The following KIAA1328 variants were observed in gnomAD, a reference collection of about 807,000 sequenced individuals.
KIAA1328 encodes the protein protein hinderin.
A neutral mutation model predicts 68.1 loss-of-function variants in KIAA1328; 52 were observed. The ratio of observed to expected loss-of-function variants is 0.76; its 90% CI spans 0.61 to 0.96. The LOEUF (loss-of-function observed/expected upper bound fraction) is 0.96, where lower values mean the gene tolerates loss of function less well. Ranked by LOEUF, KIAA1328 falls within the 40% of genes least tolerant of loss-of-function variation. KIAA1328 has a pLI of 0.00. For missense variants in KIAA1328, 641 were observed against 677.6 expected (o/e 0.95, Z 0.60); for synonymous variants, 232 against 239.4 (o/e 0.97, Z 0.28).
intron 6 of KIAA1328, among the ~76,000 whole-genome samples, chr18:36,971,080 A>G (rs1359992180): frequency 6.6e-6 from 1 of 152,214 alleles, no homozygotes; most frequent in Non-Finnish European, 1.5e-5. Flanking sequence ...CCAAAACAGC[A>G]TGGTACTGGT....
At chr18:37,162,140 C>T (rs1360781554) in intron 8 of KIAA1328, among the ~76,000 whole-genome samples, 1 of 152,086 alleles carries the variant, frequency 6.6e-6, no homozygotes, top group Non-Finnish European at 1.5e-5. Flanking sequence ...TGTTGCTATA[C>T]CAATCAATTT....
intron 7 of KIAA1328, among the ~76,000 whole-genome samples, chr18:37,121,332 T>G (rs2058262974): frequency 6.6e-6 from 1 of 152,144 alleles, no homozygotes; most frequent in Non-Finnish European, 1.5e-5. Context: ...ATCAGGTTAG[T>G]TGAAGATTCG....
chr18:37,018,593 C>G (rs2054233268), intron 6 of KIAA1328, among the ~76,000 whole-genome samples: 2 of 152,118 alleles, frequency 1.3e-5, no homozygotes, highest in Non-Finnish European at 2.9e-5. Flanking sequence ...CTCAGGAATG[C>G]TAATAATTGG....
intron 6 of KIAA1328, among the ~76,000 whole-genome samples, chr18:37,018,169 C>T (rs2054218619): frequency 6.6e-6 from 1 of 152,074 alleles, no homozygotes; most frequent in South Asian, 2.1e-4. Context: ...AATGAATTTC[C>T]TTAGTGCTTG....
At chr18:37,158,548 T>C (rs1363212513) in intron 7 of KIAA1328, among the ~76,000 whole-genome samples, 2 of 152,040 alleles carry the variant, frequency 1.3e-5, no homozygotes, top group Admixed American at 6.6e-5. Context: ...CAAGATGGTA[T>C]CAAGAGTGCA....
intron 5 of KIAA1328, among the ~76,000 whole-genome samples, chr18:36,947,147 G>T (rs893773054): frequency 7.2e-5 from 11 of 152,182 alleles, no homozygotes; most frequent in African/African-American, 2.4e-4. Context: ...CTGGGCGACA[G>T]AGCAAGACTC....
chr18:36,872,329 C>T (rs2047974963), intron 4 of KIAA1328, among the ~76,000 whole-genome samples: 1 of 151,990 alleles, frequency 6.6e-6, no homozygotes, highest in South Asian at 2.1e-4. Context: ...GAAAATATCA[C>T]CTCAACCAGG....
chr18:37,193,961 A>G (rs2059955780), intron 9 of KIAA1328, among the ~76,000 whole-genome samples: 1 of 152,160 alleles, frequency 6.6e-6, no homozygotes, highest in African/African-American at 2.4e-5. Flanking sequence ...CATTCTTTTA[A>G]GTTGCCGCAC....
chr18:36,918,308 A>G (rs946869955), intron 5 of KIAA1328, among the ~76,000 whole-genome samples: 1 of 150,052 alleles, frequency 6.7e-6, no homozygotes, highest in African/African-American at 2.5e-5. Flanking sequence ...TATTTTCTTG[A>G]TATCTGCTCT....
At chr18:36,910,711 G>T (rs1217793417) in intron 5 of KIAA1328, among the ~76,000 whole-genome samples, 1 of 152,068 alleles carries the variant, frequency 6.6e-6, no homozygotes, top group African/African-American at 2.4e-5. Flanking sequence ...AATCACCTTG[G>T]GCAGTATGGC....
intron 4 of KIAA1328, among the ~76,000 whole-genome samples, chr18:36,863,582 A>G (rs1009143547): frequency 1.3e-5 from 2 of 152,204 alleles, no homozygotes; most frequent in South Asian, 2.1e-4. Flanking sequence ...TAGGTGTTAC[A>G]TTAAACTATA....
At chr18:36,905,706 TC>T (rs543468112) in intron 5 of KIAA1328, among the ~76,000 whole-genome samples, 99 of 152,282 alleles carry the variant, frequency 6.5e-4, no homozygotes, top group African/African-American at 2.4e-3. Context: ...ATACAGCCCA[TC>T]CACTGTCTTC....
At chr18:37,141,744 A>T (rs574484882) in intron 7 of KIAA1328, among the ~76,000 whole-genome samples, 45 of 152,352 alleles carry the variant, frequency 3.0e-4, no homozygotes, top group African/African-American at 9.9e-4. Context: ...TGTCCTTGCC[A>T]AGGCTTGGTA....
At chr18:36,986,500 A>G (rs2052932482) in intron 6 of KIAA1328, among the ~76,000 whole-genome samples, 2 of 128,004 alleles carry the variant, frequency 1.6e-5, no homozygotes, top group Non-Finnish European at 3.3e-5. Flanking sequence ...TAATTAAAGT[A>G]AAGAGCTTCT....
chr18:37,085,498 T>C (rs2057076424), intron 7 of KIAA1328, among the ~76,000 whole-genome samples: 1 of 152,182 alleles, frequency 6.6e-6, no homozygotes, highest in African/African-American at 2.4e-5. Flanking sequence ...AGGTGGATAG[T>C]TATTCAAATT....
chr18:36,899,072 G>A (rs1338036244), intron 5 of KIAA1328, among the ~76,000 whole-genome samples: 1 of 151,930 alleles, frequency 6.6e-6, no homozygotes, highest in African/African-American at 2.4e-5. Context: ...TGTATCTCAG[G>A]AAGAAATACA....
chr18:37,071,901 T>C (rs1224365857), intron 7 of KIAA1328, among the ~76,000 whole-genome samples: 2 of 152,150 alleles, frequency 1.3e-5, no homozygotes, highest in Non-Finnish European at 2.9e-5. Context: ...GAGTTTCTCA[T>C]TGAGAATAGA....
intron 7 of KIAA1328, among the ~76,000 whole-genome samples, chr18:37,071,119 G>T (rs1406705721): frequency 4.5e-5 from 6 of 132,346 alleles, no homozygotes; most frequent in African/African-American, 1.2e-4. Flanking sequence ...GCCCATGCTG[G>T]AGTGCAGTGG....
intron 6 of KIAA1328, among the ~76,000 whole-genome samples, chr18:36,989,653 T>TA (rs1227617384): frequency 6.6e-6 from 1 of 152,184 alleles, no homozygotes; most frequent in Non-Finnish European, 1.5e-5. Context: ...AAATGATATA[T>TA]TTTTTTAAGA....
Sources: gnomAD v4.1 joint callset for allele counts (sites outside exome capture counted in the v4.1 genomes callset) on GRCh38, gnomAD v4.1.1 for gene constraint, MANE v1.5 for transcripts, NCBI Gene and HGNC (gene_info 2026-07-23, HGNC 2026-07-21) for gene names.